ABL1: variants seen among roughly 807,000 people sequenced by gnomAD.
The protein encoded by ABL1 is tyrosine-protein kinase ABL1.
Under a neutral mutation model 94.7 loss-of-function variants are expected in ABL1, and 11 were observed. The observed-to-expected ratio is 0.12, with a 90% CI of 0.07 to 0.19. The LOEUF is 0.19. Ranked by LOEUF, ABL1 falls within the 10% of genes least tolerant of loss-of-function variation. The pLI, the probability that ABL1 is intolerant of heterozygous loss-of-function variation, is 1.00. For missense variants in ABL1, 1,082 were observed against 1,489.4 expected (o/e 0.73, Z 4.50); for synonymous variants, 656 against 622.4 (o/e 1.05, Z -0.80).
chr9:130,813,561 CAAA>C (rs57194587), intron 1 of ABL1, among the ~76,000 whole-genome samples: 5,701 of 60,266 alleles, frequency 0.095, 100 homozygotes, highest in African/African-American at 0.25. Flanking sequence ...ACTCCATCTC[CAAA>C]AAAAAAAAAA....
Position 130,735,711 on chromosome 9 carries a change from G to A in ABL1, c.136+21256G>A, listed in dbSNP as rs191094310. ...TGGTTTTCCAACCAGTTCCCTTTCT[G>A]GACTTTTGGAGTGTTTCCAGTCTTT... On this transcript the variant is annotated intron_variant, in intron 1 of 10. Transcript: ENST00000372348. Among the ~76,000 whole-genome samples the A allele has an allele frequency of 7.1e-4, 107 of 151,152 alleles. 1 individual carries two copies. Among genetic ancestry groups the A allele is most frequent in the African/African-American group, 2.6e-3 (107 of 41,210 alleles).
At chr9:130,729,507 C>T (rs1181556833) in intron 1 of ABL1, among the ~76,000 whole-genome samples, 1 of 152,180 alleles carries the variant, frequency 6.6e-6, no homozygotes, top group Non-Finnish European at 1.5e-5. Flanking sequence ...CATCTCCCTG[C>T]ACTGTGTTTG....
At chr9:130,771,177 CAGCATTGAGTATTA>C (rs1220022136) in intron 1 of ABL1, among the ~76,000 whole-genome samples, 1 of 152,048 alleles carries the variant, frequency 6.6e-6, no homozygotes, top group Admixed American at 6.6e-5. Flanking sequence ...AATTGTAGGC[CAGCATTGAGTATTA>C]GGCATGGAGT....
chr9:130,837,797 C>G (rs1341358934), intron 1 of ABL1, among the ~76,000 whole-genome samples: 1 of 152,202 alleles, frequency 6.6e-6, no homozygotes, highest in East Asian at 1.9e-4. Context: ...GATGAGTAAT[C>G]CAGGCTTTCC....
exon 1 of ABL1, chr9:130,714,186 A>G (rs1831406712): frequency 2.3e-6 from 2 of 859,172 alleles, no homozygotes; most frequent in African/African-American, 3.5e-5. Context: ...TCTTTCTGTG[A>G]TTGACTTCAA....
chr9:130,750,644 C>CT (rs71389345), intron 1 of ABL1, among the ~76,000 whole-genome samples: 19,411 of 86,744 alleles, frequency 0.22, 3,911 homozygotes, highest in Middle Eastern at 0.28. Flanking sequence ...CTTTTTCTTT[C>CT]TTTTTTTTTT....
intron 3 of ABL1, among the ~76,000 whole-genome samples, chr9:130,860,275 G>T (rs1484185457): frequency 2.0e-5 from 3 of 152,132 alleles, no homozygotes; most frequent in Non-Finnish European, 2.9e-5. Flanking sequence ...GGTGCCTTTG[G>T]GGGAGAATGG....
chr9:130,872,077 A>G lies in ABL1; in HGVS notation c.823-52A>G. The G allele has an allele frequency of 6.5e-7, 1 of 1,548,810 alleles. No homozygotes were observed. The highest frequency in any genetic ancestry group is 8.9e-7 in the Non-Finnish European group (1 of 1,123,424). ...GCATTAACTAGTCAAGTACTTACCC[A>G]CTGAAAAGCACTTCCTGAAATAATT... On this transcript the variant is annotated intron_variant, in intron 4 of 10. Coordinates refer to ENST00000318560, the MANE Select transcript of ABL1 (RefSeq NM_005157.6). This position sits in a 1 kb window ranked among gnomAD's most constrained non-coding sequence, Gnocchi z 5.0.
At chr9:130,876,729 G>GTTTT (rs1169956131) in intron 7 of ABL1, among the ~76,000 whole-genome samples, 3 of 115,360 alleles carry the variant, frequency 2.6e-5, no homozygotes, top group African/African-American at 1.0e-4. Flanking sequence ...CCACAAGTTG[G>GTTTT]TTTCTTTTTT....
Position 130,765,716 on chromosome 9 carries a change from G to A in ABL1, c.136+51261G>A, listed in dbSNP as rs541000711. 3.3e-5 allele frequency among the ~76,000 whole-genome samples: 5 copies of A among 152,288 alleles called. No homozygotes were observed. The East Asian group carries it at 9.7e-4, about 29-fold the overall frequency. On this transcript the variant is annotated intron_variant, in intron 1 of 10. Coordinates refer to the ABL1 transcript ENST00000372348. Reference sequence around the variant, plus strand: ...GGCACAATTAGACCTGACAGCCTTTGTGTTTCTCTTCTGTTCTTTAGGCCC... The same window carrying A: ...GGCACAATTAGACCTGACAGCCTTTATGTTTCTCTTCTGTTCTTTAGGCCC...
At chr9:130,868,442 G>C (rs1472206137) in intron 4 of ABL1, among the ~76,000 whole-genome samples, 1 of 152,046 alleles carries the variant, frequency 6.6e-6, no homozygotes, top group Non-Finnish European at 1.5e-5. Flanking sequence ...CAGGGAGGGG[G>C]TCCCTGCTGA....
intron 1 of ABL1, among the ~76,000 whole-genome samples, chr9:130,740,797 A>G (rs1831806565): frequency 6.7e-6 from 1 of 148,224 alleles, no homozygotes; most frequent in Non-Finnish European, 1.5e-5. Context: ...ATAGGACTAC[A>G]GGTGTGCACC....
intron 1 of ABL1, among the ~76,000 whole-genome samples, chr9:130,792,353 G>C (rs1829920228): frequency 6.6e-6 from 1 of 152,184 alleles, no homozygotes. Flanking sequence ...TAGCTCGCAT[G>C]GTAACATAAG....
chr9:130,728,867 G>C (rs949468355), intron 1 of ABL1, among the ~76,000 whole-genome samples: 2 of 152,098 alleles, frequency 1.3e-5, no homozygotes, highest in Admixed American at 6.6e-5. Context: ...TGTACATTAT[G>C]AGTCAGATTT....
In ABL1 at chr9:130,885,498, T is replaced by C; in HGVS notation, c.3208T>C (p.Tyr1070His). 1 of 1,614,134 alleles carries C rather than the reference T, an allele frequency of 6.2e-7. No individual in the cohort carries two copies. Among genetic ancestry groups the C allele is most frequent in the Non-Finnish European group, 8.5e-7 (1 of 1,180,050 alleles). The change falls in exon 11 of 11, where the codon TAT becomes CAT. Residue 1070 changes from tyrosine to histidine, a missense_variant. Coordinates refer to ENST00000318560, the MANE Select transcript of ABL1 (RefSeq NM_005157.6). ...GKNLYTFCVSYVDSIQQMRNK... is the reference protein window; with the variant it reads ...GKNLYTFCVSHVDSIQQMRNK... ...AAACCTCTACACGTTCTGCGTGAGC[T>C]ATGTGGATTCCATCCAGCAAATGAG...
At chr9:130,859,260 G>T (rs996971962) in intron 3 of ABL1, among the ~76,000 whole-genome samples, 1 of 152,126 alleles carries the variant, frequency 6.6e-6, no homozygotes, top group Non-Finnish European at 1.5e-5. Context: ...TCCTTTTCTT[G>T]AAAGAAATTT....
chr9:130,740,696 C>T (rs1420888901), intron 1 of ABL1, among the ~76,000 whole-genome samples: 2 of 152,060 alleles, frequency 1.3e-5, no homozygotes, highest in Non-Finnish European at 2.9e-5. Flanking sequence ...TGCTCTGTCA[C>T]CCAGGTTGAA....
chr9:130,853,658 AC>A (rs1045146678), intron 1 of ABL1, among the ~76,000 whole-genome samples: 2 of 151,048 alleles, frequency 1.3e-5, no homozygotes, highest in Non-Finnish European at 3.0e-5. Flanking sequence ...CAGGTGATCC[AC>A]CCACCTTGGC....
intron 1 of ABL1, among the ~76,000 whole-genome samples, chr9:130,721,822 G>GTTTTTTTTT (rs746954089): frequency 8.3e-6 from 1 of 120,882 alleles, no homozygotes; most frequent in African/African-American, 3.2e-5. Flanking sequence ...GTTTTTTTTT[G>GTTTTTTTTT]TTTTTTTTTT....
Sources: allele counts gnomAD v4.1 joint callset (sites outside exome capture counted in the v4.1 genomes callset), GRCh38; gene constraint gnomAD v4.1.1; non-coding constraint Gnocchi (gnomAD v3.1); transcripts MANE v1.5; gene names NCBI Gene and HGNC (gene_info 2026-07-23, HGNC 2026-07-21).